OPN3: variants seen among roughly 807,000 people sequenced by gnomAD.
OPN3 encodes opsin 3.
OPN3 carries 29 observed loss-of-function variants against 33.8 expected under a neutral mutation model. The ratio of observed to expected loss-of-function variants is 0.86; its 90% CI spans 0.64 to 1.17. The LOEUF (loss-of-function observed/expected upper bound fraction) is 1.17. Ranked by LOEUF, OPN3 falls within the 50% of genes most tolerant of loss-of-function variation. The pLI, the probability that OPN3 is intolerant of heterozygous loss-of-function variation, is 0.00. For missense variants in OPN3, 437 were observed against 514.1 expected, an observed-to-expected ratio of 0.85 and a Z score of 1.45; for synonymous variants, 216 against 216.1, an observed-to-expected ratio of 1.00 and a Z score of 0.00.
intron 1 of OPN3, among the ~76,000 whole-genome samples, chr1:241,608,715 T>C (rs1663904346): frequency 6.6e-6 from 1 of 152,234 alleles, no homozygotes; most frequent in Non-Finnish European, 1.5e-5. Flanking sequence ...ACTAATATCG[T>C]TTTTGATCAA....
At chr1:241,613,049 A>C (rs1664038487) in intron 1 of OPN3, among the ~76,000 whole-genome samples, 2 of 152,262 alleles carry the variant, frequency 1.3e-5, no homozygotes, top group African/African-American at 4.8e-5. Flanking sequence ...AAAGAAAACC[A>C]GTACATTTAA....
chr1:241,605,054 T>TAAAA (rs1663789026), intron 1 of OPN3, among the ~76,000 whole-genome samples: 2 of 56,174 alleles, frequency 3.6e-5, no homozygotes, highest in Admixed American at 1.9e-4. Context: ...AGACCTTATC[T>TAAAA]CAAAAAAAAA....
At chr1:241,612,842 AC>A (rs1664032920) in intron 1 of OPN3, among the ~76,000 whole-genome samples, 1 of 152,010 alleles carries the variant, frequency 6.6e-6, no homozygotes, top group African/African-American at 2.4e-5. Context: ...CCGTAACCCA[AC>A]CAATCAATGA....
In OPN3 at chr1:241,635,058, G is replaced by T. The variant is rs1429544236; in HGVS notation, c.373+4824C>A. 4.3e-6 allele frequency: 7 copies of T among 1,612,878 alleles called. No individual in the cohort carries two copies. The Middle Eastern group carries it at 4.9e-4, about 114-fold the overall frequency. On this transcript the variant is annotated intron_variant, in intron 1 of 3. Coordinates refer to ENST00000366554, the MANE Select transcript of OPN3 (RefSeq NM_014322.3). ...ATTAGCAATCCTTGAGAATACAGCAGTTTTGACACCAAATCAATATTAAAC... is the reference window on the plus strand; with the variant it reads ...ATTAGCAATCCTTGAGAATACAGCATTTTTGACACCAAATCAATATTAAAC...
intron 1 of OPN3, chr1:241,635,709 C>T (rs184945065): frequency 6.6e-5 from 107 of 1,613,976 alleles, no homozygotes; most frequent in Admixed American, 2.0e-4. Flanking sequence ...AGGATGGATT[C>T]GGGCAAACCT....
intron 1 of OPN3, among the ~76,000 whole-genome samples, chr1:241,625,107 T>C (rs146454518): frequency 1.6e-3 from 244 of 152,362 alleles, no homozygotes; most frequent in African/African-American, 5.7e-3. Context: ...TAATGAACCC[T>C]ATGCTTCACT....
intron 1 of OPN3, 51 bp downstream of exon 1, chr1:241,639,831 G>A (rs1307963621): frequency 1.4e-6 from 2 of 1,417,378 alleles, no homozygotes; most frequent in East Asian, 5.7e-5. Flanking sequence ...GCAGCGGGGT[G>A]GGGAGTGGAA....
At chr1:241,599,440 C>T (rs1663623013) in intron 2 of OPN3, among the ~76,000 whole-genome samples, 2 of 151,766 alleles carry the variant, frequency 1.3e-5, no homozygotes, top group African/African-American at 4.8e-5. Context: ...TATTTAGGAA[C>T]ATATTTTTGG....
rs1010250341 is a variant in OPN3 at position 241,594,300 on chromosome 1, G to A, written c.*128C>T. ...AGGCCCAAGAGCATATGGGCAATTCGGATTTCCTGCTGGACCACAAGGTTC... is the reference window on the plus strand; with the variant it reads ...AGGCCCAAGAGCATATGGGCAATTCAGATTTCCTGCTGGACCACAAGGTTC... On this transcript the variant is annotated 3_prime_UTR_variant, in exon 4 of 4. Transcript: ENST00000366554. The A allele has an allele frequency of 1.6e-5, 17 of 1,064,514 alleles. No individual in the cohort carries two copies. Among genetic ancestry groups the A allele is most frequent in the East Asian group, 4.8e-5 (2 of 41,610 alleles). 65.9% of individuals were successfully genotyped at this position (1,064,514 alleles called of 1,614,324 possible).
At chr1:241,598,863 A>T (rs971257369) in intron 2 of OPN3, among the ~76,000 whole-genome samples, 2 of 152,224 alleles carry the variant, frequency 1.3e-5, no homozygotes, top group African/African-American at 4.8e-5. Flanking sequence ...TACTACAAAA[A>T]TACAAATACT....
chr1:241,635,087 C>T, intron 1 of OPN3: 2 of 1,612,836 alleles, frequency 1.2e-6, no homozygotes, highest in Admixed American at 3.3e-5. Flanking sequence ...ATTAAACCTC[C>T]TGCCTTCTTT....
At chr1:241,615,916 C>T (rs1209998861) in intron 1 of OPN3, 1 of 456,698 alleles carries the variant, frequency 2.2e-6, no homozygotes, top group South Asian at 1.5e-5. Context: ...CTAGTGGCTG[C>T]CTGAAGCTGG....
chr1:241,635,787 G>C, intron 1 of OPN3: 1 of 1,591,654 alleles, frequency 6.3e-7, no homozygotes, highest in Non-Finnish European at 8.6e-7. Context: ...AACAGCGTCT[G>C]GTGACAACTG....
intron 1 of OPN3, chr1:241,635,292 G>A (rs1461752813): frequency 3.1e-6 from 5 of 1,613,904 alleles, no homozygotes; most frequent in Non-Finnish European, 3.4e-6. Context: ...TCACTTTTCT[G>A]AGTGTGTTTT....
In OPN3 at chr1:241,621,355, G is replaced by A. The variant is rs116720973; in HGVS notation, c.374-16776C>T. ...AAGGGACAACTGGGGATGGTGACTC[G>A]ACTTGTCAACTGATGGGAATGATCC... On this transcript the variant is annotated intron_variant, in intron 1 of 3. Coordinates refer to ENST00000366554, the MANE Select transcript of OPN3 (RefSeq NM_014322.3). Among the ~76,000 whole-genome samples, 1,101 of 152,218 alleles carry A rather than the reference G, an allele frequency of 7.2e-3. 4 individuals carry two copies. Among genetic ancestry groups the A allele is most frequent in the Non-Finnish European group, 0.01 (685 of 68,028 alleles).
At chr1:241,598,970 G>A (rs1189067464) in intron 2 of OPN3, among the ~76,000 whole-genome samples, 5 of 152,092 alleles carry the variant, frequency 3.3e-5, no homozygotes. Context: ...AACTCTAAGT[G>A]TACCTTTTGG....
chr1:241,617,845 G>A (rs1664175383), intron 1 of OPN3, among the ~76,000 whole-genome samples: 3 of 152,164 alleles, frequency 2.0e-5, no homozygotes, highest in Admixed American at 2.0e-4. Context: ...TGGGCAAAAT[G>A]CTTTAAGTTG....
intron 3 of OPN3, chr1:241,595,418 C>T (rs1156629820): frequency 6.6e-6 from 1 of 152,182 alleles, no homozygotes; most frequent in African/African-American, 2.4e-5. Flanking sequence ...CTCCTCCACC[C>T]AATACATTAT....
In OPN3 at chr1:241,622,233, T is replaced by C. The variant is rs140069598; in HGVS notation, c.373+17649A>G. Among the ~76,000 whole-genome samples the C allele has an allele frequency of 1.1e-3, 168 of 152,340 alleles. 2 individuals carry two copies. Among genetic ancestry groups the C allele is most frequent in the Middle Eastern group, 0.01 (3 of 294 alleles). ...TTCATTAATATGCATAAAGCTCTTATCACAGTACTTGGCATATGTTACACA... is the reference window on the plus strand; with the variant it reads ...TTCATTAATATGCATAAAGCTCTTACCACAGTACTTGGCATATGTTACACA... On this transcript the variant is annotated intron_variant, in intron 1 of 3. Coordinates refer to ENST00000366554, the MANE Select transcript of OPN3 (RefSeq NM_014322.3).
Sources: allele counts gnomAD v4.1 joint callset (sites outside exome capture counted in the v4.1 genomes callset), GRCh38; gene constraint gnomAD v4.1.1; transcripts MANE v1.5; gene names NCBI Gene and HGNC (gene_info 2026-07-23, HGNC 2026-07-21).